The following RABGAP1L variants were observed in gnomAD, a reference collection of about 807,000 sequenced individuals.
The protein encoded by RABGAP1L is rab GTPase-activating protein 1-like.
A neutral mutation model predicts 137.7 loss-of-function variants in RABGAP1L; 63 were observed. That is an observed-to-expected ratio of 0.46 (90% CI 0.37 to 0.56). The LOEUF is 0.56. Among genes scored for constraint, RABGAP1L ranks in the 20% least tolerant of loss-of-function variants. The pLI is 0.00. For missense variants in RABGAP1L, 1,095 were observed against 1,244.0 expected (o/e 0.88, Z 1.80); for synonymous variants, 431 against 433.7 (o/e 0.99, Z 0.08).
intron 5 of RABGAP1L, among the ~76,000 whole-genome samples, chr1:174,246,664 A>G (rs901600781): frequency 2.0e-5 from 3 of 152,228 alleles, no homozygotes; most frequent in Non-Finnish European, 4.4e-5. Context: ...ATATGGAAAG[A>G]TGTGTGTAGG....
intron 8 of RABGAP1L, among the ~76,000 whole-genome samples, chr1:174,275,477 TAGAA>T (rs1674916177): frequency 2.6e-5 from 4 of 152,184 alleles, no homozygotes; most frequent in African/African-American, 7.2e-5. Context: ...ATTGTTTTAA[TAGAA>T]ACCATATACA....
chr1:174,275,811 A>G, intron 8 of RABGAP1L, 22 bp from the exon 9 acceptor site: 2 of 1,566,584 alleles, frequency 1.3e-6, no homozygotes, highest in South Asian at 2.3e-5. Context: ...TTTATCAGTA[A>G]TTACTGTTTG....
intron 19 of RABGAP1L, among the ~76,000 whole-genome samples, chr1:174,896,332 G>A (rs1434641589): frequency 2.6e-5 from 4 of 152,182 alleles, no homozygotes; most frequent in Non-Finnish European, 5.9e-5. Flanking sequence ...GTAGATTCTG[G>A]ATATTAGTCC....
chr1:174,375,836 G>A (rs948155550), intron 12 of RABGAP1L, among the ~76,000 whole-genome samples: 2 of 152,010 alleles, frequency 1.3e-5, no homozygotes, highest in African/African-American at 2.4e-5. Flanking sequence ...AGGCTGAGGC[G>A]AGCCGATCAC....
intron 7 of RABGAP1L, among the ~76,000 whole-genome samples, chr1:174,252,906 C>G (rs1440777036): frequency 6.6e-6 from 1 of 152,126 alleles, no homozygotes; most frequent in East Asian, 1.9e-4. Context: ...TTCGATTACT[C>G]TTCCACTTAG....
chr1:174,779,766 T>C (rs1297574024), intron 18 of RABGAP1L, among the ~76,000 whole-genome samples: 1 of 152,222 alleles, frequency 6.6e-6, no homozygotes, highest in Non-Finnish European at 1.5e-5. Flanking sequence ...AGATTATGTA[T>C]ACTGAACTCC....
chr1:174,511,477 A>G lies in RABGAP1L; in HGVS notation c.1710+117332A>G, dbSNP rs1021454073. 9.9e-5 allele frequency among the ~76,000 whole-genome samples: 15 copies of G among 152,218 alleles called. 1 individual carries two copies. Among genetic ancestry groups the G allele is most frequent in the African/African-American group, 3.6e-4 (15 of 41,466 alleles). Reference sequence around the variant, plus strand: ...AAGCCATAATTTCTGCCTAAGAGAAATTAAAAGTTCATGCTTTTTTTCATG... The same window carrying G: ...AAGCCATAATTTCTGCCTAAGAGAAGTTAAAAGTTCATGCTTTTTTTCATG... On this transcript the variant is annotated intron_variant, in intron 13 of 25. Coordinates refer to ENST00000681986, the MANE Select transcript of RABGAP1L (RefSeq NM_001366446.1).
At chr1:174,952,860 G>A (rs938658067) in intron 19 of RABGAP1L, among the ~76,000 whole-genome samples, 1 of 151,802 alleles carries the variant, frequency 6.6e-6, no homozygotes, top group Non-Finnish European at 1.5e-5. Context: ...ACAGGGCTGG[G>A]ATTATAGGCA....
chr1:174,730,428 C>A (rs1158315283), intron 17 of RABGAP1L, among the ~76,000 whole-genome samples: 1 of 152,126 alleles, frequency 6.6e-6, no homozygotes, highest in East Asian at 1.9e-4. Flanking sequence ...GCAATATAGC[C>A]ATGTAACCGA....
chr1:174,205,707 T>C (rs1408540286), intron 1 of RABGAP1L, among the ~76,000 whole-genome samples: 1 of 152,100 alleles, frequency 6.6e-6, no homozygotes, highest in Non-Finnish European at 1.5e-5. Flanking sequence ...CTTACTAAGT[T>C]TTTCAAAAAA....
intron 19 of RABGAP1L, among the ~76,000 whole-genome samples, chr1:174,814,236 A>G (rs1304670270): frequency 6.6e-6 from 1 of 152,202 alleles, no homozygotes; most frequent in East Asian, 1.9e-4. Flanking sequence ...TTTTTTGGAC[A>G]TGAATAGGTA....
At chr1:174,641,416 G>A (rs1276732716) in intron 14 of RABGAP1L, among the ~76,000 whole-genome samples, 1 of 152,096 alleles carries the variant, frequency 6.6e-6, no homozygotes, top group African/African-American at 2.4e-5. Context: ...GGGAAGTTGA[G>A]CTGAAAGTAT....
At chr1:174,923,153 A>G (rs941580451) in intron 19 of RABGAP1L, among the ~76,000 whole-genome samples, 12 of 152,032 alleles carry the variant, frequency 7.9e-5, no homozygotes, top group African/African-American at 2.7e-4. Flanking sequence ...CTCAGAAAAA[A>G]AAAAAAAAGT....
intron 13 of RABGAP1L, among the ~76,000 whole-genome samples, chr1:174,635,829 A>T (rs1673969487): frequency 6.6e-6 from 1 of 152,332 alleles, no homozygotes; most frequent in Admixed American, 6.5e-5. Flanking sequence ...GCAGCAAGAA[A>T]GGGTAGTGGC....
intron 20 of RABGAP1L, among the ~76,000 whole-genome samples, chr1:174,961,195 G>A (rs946639267): frequency 2.6e-5 from 4 of 152,170 alleles, no homozygotes; most frequent in Non-Finnish European, 4.4e-5. Flanking sequence ...TGTAAATTTA[G>A]TGATTGATTT....
chr1:174,612,762 A>G (rs894123328), intron 13 of RABGAP1L, among the ~76,000 whole-genome samples: 30 of 152,292 alleles, frequency 2.0e-4, no homozygotes, highest in Admixed American at 1.6e-3. Context: ...CAGAGATTCA[A>G]CTTCTTCCTG....
chr1:174,991,339 A>G lies in RABGAP1L; in HGVS notation c.*1338A>G, dbSNP rs1011403435. The G allele has an allele frequency of 6.6e-6, 1 of 152,242 alleles. No homozygotes were observed. The highest frequency in any genetic ancestry group is 1.5e-5 in the Non-Finnish European group (1 of 68,030). The allele number at this position is 152,242 out of a possible 1,614,324, so 9.4% of individuals were successfully genotyped here. A position where few individuals can be genotyped will look rare whatever the true frequency, so the allele number is the denominator to read the frequency against. On this transcript the variant is annotated 3_prime_UTR_variant, in exon 26 of 26. Transcript: ENST00000681986. ...TAGATATGTACAATAACATTTGTTG[A>G]TATTAATCATTGGCCTCATTGTTGA...
rs1179666196 is a variant in RABGAP1L at position 174,859,798 on chromosome 1, GCC to G, written c.2340+47839_2340+47840del. Reference sequence around the variant, plus strand: ...CAAAAAAACCCCATGGCACACGTTTGCCTGTGTAACAAACCTGCACATCCTAC... The same window carrying G: ...CAAAAAAACCCCATGGCACACGTTTGTGTGTAACAAACCTGCACATCCTAC... On this transcript the variant is annotated intron_variant, in intron 19 of 25. Transcript: ENST00000681986. 3.0e-3 allele frequency among the ~76,000 whole-genome samples: 458 copies of G among 152,000 alleles called. 3 individuals are homozygous for G. The highest frequency in any genetic ancestry group is 0.011 in the African/African-American group (446 of 41,432).
At chr1:174,391,616 A>G (rs1387682745) in intron 12 of RABGAP1L, among the ~76,000 whole-genome samples, 1 of 152,198 alleles carries the variant, frequency 6.6e-6, no homozygotes, top group Admixed American at 6.5e-5. Flanking sequence ...TGCTGGGATT[A>G]TGGATATGAG....
Sources: allele counts gnomAD v4.1 joint callset (sites outside exome capture counted in the v4.1 genomes callset), GRCh38; gene constraint gnomAD v4.1.1; transcripts MANE v1.5; gene names NCBI Gene and HGNC (gene_info 2026-07-23, HGNC 2026-07-21).